Variants in MOCS1 observed in about 807,000 individuals in gnomAD.
MOCS1 encodes molybdenum cofactor synthesis 1, also known as molybdenum cofactor biosynthesis protein 1.
Under a neutral mutation model 57.6 loss-of-function variants are expected in MOCS1, and 39 were observed. That is an observed-to-expected ratio of 0.68 (90% CI 0.52 to 0.88). The LOEUF (loss-of-function observed/expected upper bound fraction) is 0.88, where lower values mean the gene tolerates loss of function less well. MOCS1 is among the 40% of genes least tolerant of loss of function. The pLI is 0.00. For missense variants in MOCS1, 795 were observed against 831.1 expected, an observed-to-expected ratio of 0.96 and a Z score of 0.53; for synonymous variants, 334 against 335.7, an observed-to-expected ratio of 1.00 and a Z score of 0.05.
At chr6:39,911,035 T>TC (rs1352749628) in intron 8 of MOCS1, among the ~76,000 whole-genome samples, 3 of 152,200 alleles carry the variant, frequency 2.0e-5, no homozygotes, top group African/African-American at 7.2e-5. Context: ...CCCTTGCCCT[T>TC]CCTAAGTGGG....
intron 3 of MOCS1, among the ~76,000 whole-genome samples, chr6:39,919,789 T>C (rs1562095264): frequency 6.6e-6 from 1 of 152,150 alleles, no homozygotes; most frequent in East Asian, 1.9e-4. Context: ...AAAATGGCTA[T>C]CCATATGGAA....
At chr6:39,925,633 T>A in intron 3 of MOCS1, 45 bp downstream of exon 3, 1 of 1,610,564 alleles carries the variant, frequency 6.2e-7, no homozygotes, top group Non-Finnish European at 8.5e-7. Flanking sequence ...TCCAGCCGGA[T>A]GAGGCAGCGC....
In MOCS1 at chr6:39,906,437, C is replaced by G; in HGVS notation, c.1831G>C (p.Val611Leu). The G allele has an allele frequency of 6.2e-7, 1 of 1,606,774 alleles. No homozygotes were observed. The highest frequency in any genetic ancestry group is 1.7e-5 in the Admixed American group (1 of 59,898). Residue 611 changes from valine to leucine, a missense_variant, in exon 11 of 11, where the codon GTC becomes CTC. By Grantham distance (32) the Val-to-Leu change is conservative. Transcript: ENST00000340692. ...ALTLYDMCKA[V>L]SRDIVLEEIK... ...TCCTCCAACACGATGTCCCTGCTGACAGCCTTGCACATGTCATACAGGGTG... is the reference window on the plus strand; with the variant it reads ...TCCTCCAACACGATGTCCCTGCTGAGAGCCTTGCACATGTCATACAGGGTG...
At position 39,920,341 on chromosome 6, in the gene MOCS1, C is replaced by T. The variant is rs552201852; in HGVS notation, c.419-4109G>A. Among the ~76,000 whole-genome samples the T allele has an allele frequency of 1.1e-3, 163 of 152,280 alleles. 1 individual carries two copies. Among genetic ancestry groups the T allele is most frequent in the Admixed American group, 2.9e-3 (44 of 15,298 alleles). On this transcript the variant is annotated intron_variant, in intron 3 of 10. Transcript: ENST00000340692. Reference sequence around the variant, plus strand: ...GCGGGTGAAAGTGTATTTGGCACAACCATGTTATTAAGTAATGCCACATTG... The same window carrying T: ...GCGGGTGAAAGTGTATTTGGCACAATCATGTTATTAAGTAATGCCACATTG...
At chr6:39,930,783 G>T (rs1768605123) in intron 1 of MOCS1, among the ~76,000 whole-genome samples, 1 of 152,216 alleles carries the variant, frequency 6.6e-6, no homozygotes, top group African/African-American at 2.4e-5. Context: ...AGTTGTTGTG[G>T]TTCTGAGCAC....
In MOCS1 at chr6:39,909,901, C is replaced by T. The variant is rs746533600; in HGVS notation, c.1036G>A (p.Ala346Thr). The T allele has an allele frequency of 6.2e-7, 1 of 1,613,798 alleles. No homozygotes were observed. Among genetic ancestry groups the T allele is most frequent in the African/African-American group, 1.3e-5 (1 of 75,058 alleles). ...VSLRDHLRAG[A>T]SEQELLRIIG... is the part of the protein sequence containing the mutation. ...ATTCTCAGCAGCTCCTGCTCAGAGG[C>T]CCCAGCTCGCAGGTGATCCCGCAGG... Residue 346 changes from alanine to threonine, a missense_variant, in exon 9 of 11, where the codon GCC (alanine) becomes ACC (threonine). By Grantham distance (58) the Ala-to-Thr change is moderately conservative. Around this residue, in one of 3 missense-constraint regions of MOCS1, gnomAD observed 374 missense variants for 422.6 expected, o/e 0.89. Transcript: ENST00000340692.
Position 39,913,422 on chromosome 6 carries a change from A to G in MOCS1, c.652T>C (p.Cys218Arg). 2 of 1,614,098 alleles carry G rather than the reference A, an allele frequency of 1.2e-6. No homozygotes were observed. The highest frequency in any genetic ancestry group is 1.7e-6 in the Non-Finnish European group (2 of 1,179,932). Residue 218 changes from cysteine (C) to arginine (R), a missense_variant, in exon 6 of 11, where the codon TGT becomes CGT. Physicochemically the swap from Cys to Arg is radical, Grantham distance 180. This residue lies in a region of MOCS1 where 416 missense variants were observed against 392.4 expected (regional missense o/e 1.06). Coordinates refer to ENST00000340692, the MANE Select transcript of MOCS1 (RefSeq NM_001358530.2). ...TCGTTAAGGCCTCGCATCACCACAC[A>G]GTTCACCTGGCCGGGGAACAATGGG... ...ELGYNPVKVNCVVMRGLNEDE... is the reference protein window; with the variant it reads ...ELGYNPVKVNRVVMRGLNEDE...
chr6:39,905,724 G>T lies in MOCS1; in HGVS notation c.*633C>A, dbSNP rs757366588. The T allele has an allele frequency of 2.1e-6, 1 of 471,178 alleles. No homozygotes were observed. Among genetic ancestry groups the T allele is most frequent in the African/African-American group, 2.0e-5 (1 of 50,188 alleles). The allele number at this position is 471,178 out of a possible 1,614,324, so 29.2% of individuals were successfully genotyped here. ...GCACATCCTGTTTCAGAAGAGGGGGGCCAGAGGAAAAGGGGCCAGCAGGAC... is the reference window on the plus strand; with the variant it reads ...GCACATCCTGTTTCAGAAGAGGGGGTCCAGAGGAAAAGGGGCCAGCAGGAC... On this transcript the variant is annotated 3_prime_UTR_variant, in exon 11 of 11. Transcript: ENST00000340692.
intron 1 of MOCS1, 198 bp from the exon 2 acceptor site, chr6:39,927,653 C>T: frequency 1.3e-6 from 2 of 1,581,392 alleles, no homozygotes; most frequent in South Asian, 2.3e-5. Context: ...GAAGGACCCA[C>T]CCCTTAAGTA....
intron 4 of MOCS1, 75 bp downstream of exon 4, chr6:39,915,993 C>T (rs2149407016): frequency 6.6e-7 from 1 of 1,512,654 alleles, no homozygotes; most frequent in Admixed American, 2.0e-5. Context: ...AGGCCCCTGG[C>T]TCAGCAATGG....
At chr6:39,931,628 T>G (rs1029252775) in intron 1 of MOCS1, among the ~76,000 whole-genome samples, 2 of 152,016 alleles carry the variant, frequency 1.3e-5, no homozygotes, top group Non-Finnish European at 2.9e-5. Context: ...GAAGTCAAGA[T>G]GACCTCCTGA....
At chr6:39,914,283 T>C (rs568277247) in intron 4 of MOCS1, among the ~76,000 whole-genome samples, 2 of 152,324 alleles carry the variant, frequency 1.3e-5, no homozygotes, top group East Asian at 1.9e-4. Flanking sequence ...CTGGATCTAG[T>C]TGAACCCTCT....
chr6:39,919,956 C>A (rs542058973), intron 3 of MOCS1, among the ~76,000 whole-genome samples: 1 of 152,024 alleles, frequency 6.6e-6, no homozygotes. Flanking sequence ...AAGAAAAAAA[C>A]GCTGATAAAT....
At chr6:39,917,916 T>C in intron 3 of MOCS1, among the ~76,000 whole-genome samples, 1 of 152,124 alleles carries the variant, frequency 6.6e-6, no homozygotes, top group East Asian at 1.9e-4. Context: ...CTTGAAGAGC[T>C]GGATACAAAA....
At chr6:39,923,976 G>A (rs892720405) in intron 3 of MOCS1, among the ~76,000 whole-genome samples, 1 of 152,200 alleles carries the variant, frequency 6.6e-6, no homozygotes, top group African/African-American at 2.4e-5. Flanking sequence ...GCTGAGGGGC[G>A]GGGGGTCCTG....
chr6:39,923,778 G>C (rs1441954733), intron 3 of MOCS1, among the ~76,000 whole-genome samples: 1 of 152,230 alleles, frequency 6.6e-6, no homozygotes, highest in Admixed American at 6.5e-5. Context: ...GGAGAAGAGG[G>C]CTGTCAGGGG....
At chr6:39,929,812 C>A (rs185680381) in intron 1 of MOCS1, among the ~76,000 whole-genome samples, 1 of 151,562 alleles carries the variant, frequency 6.6e-6, no homozygotes, top group Non-Finnish European at 1.5e-5. Context: ...TGTGGTGGCG[C>A]GAGTCTGTAA....
intron 1 of MOCS1, among the ~76,000 whole-genome samples, chr6:39,932,820 C>G (rs149952005): frequency 1.6e-4 from 24 of 152,350 alleles, no homozygotes; most frequent in African/African-American, 5.5e-4. Context: ...CGTTAACATA[C>G]GTTAACTCTT....
At position 39,905,820 on chromosome 6, in the gene MOCS1, CA is replaced by C; in HGVS notation, c.*536del. ...ACTTGGGCAGAAGGAGAGATGAAGT[CA>C]GGACAGGACAGGACAGGGCAGGGCT... On this transcript the variant is annotated 3_prime_UTR_variant, in exon 11 of 11. Transcript: ENST00000340692. 1 of 466,420 alleles carries C rather than the reference CA, an allele frequency of 2.1e-6. No homozygotes were observed. Among genetic ancestry groups the C allele is most frequent in the South Asian group, 1.6e-5 (1 of 64,216 alleles). 28.9% of individuals were successfully genotyped at this position (466,420 alleles called of 1,614,324 possible). A position where few individuals can be genotyped will look rare whatever the true frequency, so the allele number is the denominator to read the frequency against.
Sources: gnomAD v4.1 joint callset for allele counts (sites outside exome capture counted in the v4.1 genomes callset) on GRCh38, gnomAD v4.1.1 for gene constraint, gnomAD v4.1.1 regional missense constraint, MANE v1.5 for transcripts, NCBI Gene and HGNC (gene_info 2026-07-23, HGNC 2026-07-21) for gene names.